The following MARCHF1 variants were observed in gnomAD, a reference collection of about 807,000 sequenced individuals.
MARCHF1 encodes E3 ubiquitin-protein ligase MARCHF1.
A neutral mutation model predicts 54.2 loss-of-function variants in MARCHF1; 40 were observed. The observed-to-expected ratio is 0.74, with a 90% CI of 0.57 to 0.96. MARCHF1 has a LOEUF of 0.96. MARCHF1 is among the 40% of genes least tolerant of loss of function. The pLI is 0.00. For missense variants in MARCHF1, 586 were observed against 656.5 expected, an observed-to-expected ratio of 0.89 and a Z score of 1.17; for synonymous variants, 236 against 236.3, an observed-to-expected ratio of 1.00 and a Z score of 0.01.
At chr4:164,147,638 C>A (rs1301107808) in intron 1 of MARCHF1, among the ~76,000 whole-genome samples, 8 of 134,628 alleles carry the variant, frequency 5.9e-5, no homozygotes, top group African/African-American at 8.5e-5. Context: ...CACATGGACA[C>A]AGGAAGGGGA....
At chr4:164,357,887 G>T (rs1730607135) in intron 1 of MARCHF1, among the ~76,000 whole-genome samples, 1 of 151,992 alleles carries the variant, frequency 6.6e-6, no homozygotes, top group African/African-American at 2.4e-5. Context: ...AGAAGAAAAG[G>T]AAAACAATCA....
At chr4:164,340,456 G>T (rs1358625397) in intron 1 of MARCHF1, among the ~76,000 whole-genome samples, 3 of 120,616 alleles carry the variant, frequency 2.5e-5, no homozygotes. Context: ...TTGAGACTGA[G>T]TTTCTCTCTA....
chr4:163,912,065 GT>G (rs70948676), intron 3 of MARCHF1, among the ~76,000 whole-genome samples: 2,944 of 149,200 alleles, frequency 0.02, 48 homozygotes, highest in African/African-American at 0.054. Flanking sequence ...GGAATGCAGG[GT>G]TTTTTTTTTT....
chr4:163,903,595 TTTTC>T (rs139090570), intron 3 of MARCHF1, among the ~76,000 whole-genome samples: 24,578 of 151,128 alleles, frequency 0.16, 2,226 homozygotes, highest in African/African-American at 0.24. Context: ...AAATTTTATT[TTTTC>T]TTTCTTTCTT....
At chr4:164,000,751 C>CTTTA (rs1347283623) in intron 2 of MARCHF1, among the ~76,000 whole-genome samples, 7 of 151,566 alleles carry the variant, frequency 4.6e-5, no homozygotes, top group Non-Finnish European at 5.9e-5. Context: ...TGTACTATGA[C>CTTTA]TTTATTGTGA....
chr4:163,853,365 T>C (rs1249809557), intron 4 of MARCHF1, among the ~76,000 whole-genome samples: 3 of 152,198 alleles, frequency 2.0e-5, no homozygotes, highest in African/African-American at 2.4e-5. Flanking sequence ...CTCCTTTAAA[T>C]TAAAATGAAG....
At chr4:164,033,354 C>T (rs1729215329) in intron 2 of MARCHF1, among the ~76,000 whole-genome samples, 1 of 152,146 alleles carries the variant, frequency 6.6e-6, no homozygotes, top group Non-Finnish European at 1.5e-5. Flanking sequence ...CCATTCAAGA[C>T]ATAGGCATGG....
intron 4 of MARCHF1, among the ~76,000 whole-genome samples, chr4:163,826,041 A>T (rs1748839502): frequency 6.6e-6 from 1 of 152,036 alleles, no homozygotes; most frequent in Non-Finnish European, 1.5e-5. Flanking sequence ...TCACTGTTAG[A>T]TGCTTAGTTT....
At chr4:164,227,848 T>C (rs1028107430) in intron 1 of MARCHF1, among the ~76,000 whole-genome samples, 3 of 152,142 alleles carry the variant, frequency 2.0e-5, no homozygotes, top group Non-Finnish European at 4.4e-5. Flanking sequence ...AAAGTCAATG[T>C]CATACATGGG....
chr4:163,942,397 T>C (rs1051790726), intron 3 of MARCHF1, among the ~76,000 whole-genome samples: 1 of 152,182 alleles, frequency 6.6e-6, no homozygotes, highest in African/African-American at 2.4e-5. Flanking sequence ...TCTTACACCA[T>C]GATGATAAGG....
chr4:163,594,401 T>C (rs1740692227), intron 7 of MARCHF1, among the ~76,000 whole-genome samples: 1 of 151,508 alleles, frequency 6.6e-6, no homozygotes, highest in African/African-American at 2.4e-5. Context: ...TATTATATGA[T>C]ATAATAATAC....
chr4:164,112,131 G>A (rs951884720), intron 1 of MARCHF1, among the ~76,000 whole-genome samples: 2 of 151,784 alleles, frequency 1.3e-5, no homozygotes, highest in Non-Finnish European at 3.0e-5. Context: ...AACATAATGA[G>A]GATGAGTAAA....
chr4:164,001,277 TA>T (rs1026036020), intron 2 of MARCHF1, among the ~76,000 whole-genome samples: 3 of 151,794 alleles, frequency 2.0e-5, no homozygotes, highest in African/African-American at 7.2e-5. Flanking sequence ...AGCATGTGGT[TA>T]GATTAGATAA....
intron 1 of MARCHF1, among the ~76,000 whole-genome samples, chr4:164,166,396 A>G (rs1223007019): frequency 6.6e-6 from 1 of 152,052 alleles, no homozygotes; most frequent in African/African-American, 2.4e-5. Context: ...AAAATCTTAC[A>G]TTAAAATGCT....
At position 164,332,985 on chromosome 4, in the gene MARCHF1, T is replaced by C. The variant is rs539200822; in HGVS notation, c.-323+50885A>G. The stretch of plus-strand genomic sequence containing the variant: ...ATTTTAGGGAATATTATGGTATTGT[T>C]CAATTGTTCTTGTATTTAACAATAT... On this transcript the variant is annotated intron_variant, in intron 1 of 9. Transcript: ENST00000514618. Among the ~76,000 whole-genome samples, 74 of 152,198 alleles carry C rather than the reference T, an allele frequency of 4.9e-4. 1 individual carries two copies. The highest frequency in any genetic ancestry group is 1.7e-3 in the African/African-American group (69 of 41,530).
In MARCHF1 at chr4:163,679,243, A is replaced by AT. The variant is rs534003865; in HGVS notation, c.162+21569dup. On this transcript the variant is annotated intron_variant, in intron 5 of 9. Coordinates refer to ENST00000514618, the MANE Select transcript of MARCHF1 (RefSeq NM_001394959.1). ...GGTATGGATCTCAACAGATCACTAG[A>AT]TTTTTCAGGAATATTCTACCAGATA... Among the ~76,000 whole-genome samples, 657 of 152,266 alleles carry AT rather than the reference A, an allele frequency of 4.3e-3. 11 individuals carry two copies. The highest frequency in any genetic ancestry group is 0.015 in the African/African-American group (632 of 41,530).
intron 3 of MARCHF1, among the ~76,000 whole-genome samples, chr4:163,978,731 G>A (rs1752699285): frequency 6.6e-6 from 1 of 151,666 alleles, no homozygotes; most frequent in African/African-American, 2.4e-5. Flanking sequence ...TGTTGTTGTT[G>A]TTGTTTTTGT....
intron 5 of MARCHF1, among the ~76,000 whole-genome samples, chr4:163,617,792 C>T (rs1269730571): frequency 6.6e-6 from 1 of 152,102 alleles, no homozygotes; most frequent in African/African-American, 2.4e-5. Flanking sequence ...GCCCAAGTGT[C>T]CTCAAATCAC....
rs183984055 is a variant in MARCHF1 at position 164,325,683 on chromosome 4, C to A, written c.-323+58187G>T. On this transcript the variant is annotated intron_variant, in intron 1 of 9. Transcript: ENST00000514618. ...GGTGGAAGTTGCAGTGAGCCAAGAT[C>A]GCCACTGTACTCCAGCCTGGGTGAC... Among the ~76,000 whole-genome samples the A allele has an allele frequency of 2.0e-5, 3 of 151,742 alleles. No homozygotes were observed. In the South Asian group the frequency reaches 6.3e-4, roughly 32 times the overall value.
Sources: gnomAD v4.1 joint callset for allele counts (sites outside exome capture counted in the v4.1 genomes callset) on GRCh38, gnomAD v4.1.1 for gene constraint, MANE v1.5 for transcripts, NCBI Gene and HGNC (gene_info 2026-07-23, HGNC 2026-07-21) for gene names.